Variants in DCLK1 observed in about 807,000 individuals in gnomAD.
DCLK1 encodes the protein serine/threonine-protein kinase DCLK1.
DCLK1 carries 16 observed loss-of-function variants against 86.2 expected under a neutral mutation model. The ratio of observed to expected loss-of-function variants is 0.19; its 90% CI spans 0.13 to 0.28. The LOEUF is 0.28. Ranked by LOEUF, DCLK1 falls within the 10% of genes least tolerant of loss-of-function variation. The probability of loss-of-function intolerance (pLI) is 1.00; values close to 1 mark genes in which losing one functional copy is unlikely to be tolerated. For missense variants in DCLK1, 590 were observed against 940.2 expected (o/e 0.63, Z 4.87); for synonymous variants, 369 against 370.5 (o/e 1.00, Z 0.05).
intron 4 of DCLK1, among the ~76,000 whole-genome samples, chr13:35,899,280 TGA>T (rs1292105348): frequency 7.9e-5 from 12 of 151,552 alleles, no homozygotes; most frequent in African/African-American, 2.7e-4. Flanking sequence ...GATAATAATA[TGA>T]GAGAGAGAGC....
intron 4 of DCLK1, among the ~76,000 whole-genome samples, chr13:35,877,588 C>CT (rs1437759125): frequency 1.3e-5 from 2 of 152,152 alleles, no homozygotes; most frequent in South Asian, 2.1e-4. Context: ...TTTCTAGTCT[C>CT]TTTTTTGAAA....
rs867590750 is a variant in DCLK1, at chr13:35,910,345, A to T, written c.823+37013T>A. On this transcript the variant is annotated intron_variant, in intron 4 of 16. Transcript: ENST00000360631. ...CTACAGGAGATGAATGAAAGTGCATAGAAGACAAAAGAATGTGATAATAAC... is the reference window on the plus strand; with the variant it reads ...CTACAGGAGATGAATGAAAGTGCATTGAAGACAAAAGAATGTGATAATAAC... Among the ~76,000 whole-genome samples the T allele has an allele frequency of 2.0e-5, 3 of 152,358 alleles. No homozygotes were observed. In the South Asian group the frequency reaches 6.2e-4, roughly 32 times the overall value.
At position 36,111,929 on chromosome 13, in the gene DCLK1, G is replaced by A. The variant is rs778537590; in HGVS notation, c.663C>T (p.Thr221=). ...HSFEQVLTDI[T]DAIKLDSGVV... is the part of the protein sequence containing the mutation. ...CTCCCGAGTCCAGCTTGATGGCATC[G>A]GTGATATCGGTGAGGACCTGCTCAA... Residue 221 remains threonine (T), a synonymous_variant, in exon 3 of 17, where the codon ACC becomes ACT. Coordinates refer to ENST00000360631, the MANE Select transcript of DCLK1 (RefSeq NM_001330071.2). 2.5e-5 allele frequency: 41 copies of A among 1,614,068 alleles called. No individual in the cohort carries two copies. Among genetic ancestry groups the A allele is most frequent in the South Asian group, 5.5e-5 (5 of 91,088 alleles).
intron 3 of DCLK1, among the ~76,000 whole-genome samples, chr13:36,076,777 C>T (rs1884229520): frequency 6.6e-6 from 1 of 152,178 alleles, no homozygotes; most frequent in Non-Finnish European, 1.5e-5. Flanking sequence ...TGGCTCTGCC[C>T]TCTGAAGCAA....
chr13:36,054,641 AT>A (rs1258976060), intron 3 of DCLK1, among the ~76,000 whole-genome samples: 2 of 152,170 alleles, frequency 1.3e-5, no homozygotes. Flanking sequence ...TGGGGATGCT[AT>A]TTTAGATATG....
At chr13:35,951,249 G>C (rs1231794535) in intron 3 of DCLK1, among the ~76,000 whole-genome samples, 1 of 136,602 alleles carries the variant, frequency 7.3e-6, no homozygotes, top group Non-Finnish European at 1.6e-5. Flanking sequence ...GATGGACGAT[G>C]GATGGATTAA....
At chr13:35,904,999 A>AATAG (rs1379167994) in intron 4 of DCLK1, among the ~76,000 whole-genome samples, 2 of 152,136 alleles carry the variant, frequency 1.3e-5, no homozygotes, top group Non-Finnish European at 2.9e-5. Context: ...TTCCTACCCT[A>AATAG]ATAGATTGTC....
intron 8 of DCLK1, among the ~76,000 whole-genome samples, chr13:35,835,714 CAT>C (rs1824944254): frequency 1.3e-5 from 2 of 152,192 alleles, no homozygotes; most frequent in South Asian, 4.2e-4. Context: ...TACAAAATGT[CAT>C]AAAAAGTGTG....
intron 5 of DCLK1, among the ~76,000 whole-genome samples, chr13:35,861,724 C>G (rs1204178811): frequency 6.6e-6 from 1 of 152,086 alleles, no homozygotes; most frequent in African/African-American, 2.4e-5. Flanking sequence ...CTGCTGATTG[C>G]TCTTAGAAAT....
intron 4 of DCLK1, among the ~76,000 whole-genome samples, chr13:35,924,707 A>T (rs149096098): frequency 6.6e-6 from 1 of 152,304 alleles, no homozygotes; most frequent in African/African-American, 2.4e-5. Context: ...TCTGCACATG[A>T]ATATTTATTT....
chr13:36,033,220 G>A (rs908634500), intron 3 of DCLK1, among the ~76,000 whole-genome samples: 12 of 152,148 alleles, frequency 7.9e-5, no homozygotes, highest in Non-Finnish European at 1.8e-4. Context: ...TCCTACTAAA[G>A]TTTCACATTA....
At chr13:35,783,837 C>G (rs1242057564) in intron 16 of DCLK1, among the ~76,000 whole-genome samples, 1 of 152,146 alleles carries the variant, frequency 6.6e-6, no homozygotes, top group Non-Finnish European at 1.5e-5. Flanking sequence ...CCACCCAACT[C>G]GGCCTCCCAA....
intron 4 of DCLK1, among the ~76,000 whole-genome samples, chr13:35,896,463 G>A (rs1402605924): frequency 6.9e-6 from 1 of 145,568 alleles, no homozygotes; most frequent in African/African-American, 2.6e-5. Flanking sequence ...GCTTGAACTC[G>A]GAAGCCGGAG....
intron 3 of DCLK1, among the ~76,000 whole-genome samples, chr13:36,080,747 G>C (rs1366903109): frequency 6.6e-6 from 1 of 152,248 alleles, no homozygotes; most frequent in African/African-American, 2.4e-5. Flanking sequence ...AACACACACG[G>C]CTTCTGCTTT....
chr13:35,915,448 C>A (rs1171081), intron 4 of DCLK1, among the ~76,000 whole-genome samples: 30,215 of 152,110 alleles, frequency 0.2, 3,114 homozygotes, highest in African/African-American at 0.24. Context: ...CACCTGTAAT[C>A]CCAGCACTTT....
chr13:35,877,932 A>G (rs1750921), intron 4 of DCLK1, among the ~76,000 whole-genome samples: 106,764 of 152,110 alleles, frequency 0.7, 38,060 homozygotes, highest in Middle Eastern at 0.8. Context: ...CAATTCTCCA[A>G]TAAGTTGCCC....
chr13:35,896,936 AC>A (rs563356043), intron 4 of DCLK1, among the ~76,000 whole-genome samples: 94 of 152,294 alleles, frequency 6.2e-4, no homozygotes, highest in African/African-American at 2.2e-3. Flanking sequence ...CTTGCGGTGC[AC>A]CTTAGAGAAT....
chr13:36,053,943 G>A (rs546806425), intron 3 of DCLK1, among the ~76,000 whole-genome samples: 5 of 152,232 alleles, frequency 3.3e-5, no homozygotes, highest in African/African-American at 1.2e-4. Context: ...CTGCAGTTTG[G>A]TGTAATGCAG....
At position 36,095,351 on chromosome 13, in the gene DCLK1, A is replaced by G. The variant is rs1191531434; in HGVS notation, c.723+16518T>C. The stretch of plus-strand genomic sequence containing the variant: ...CTCCTGAGTAGCTGGGACTATAGGC[A>G]TGTGTTACCACATCCAGCTAATATT... On this transcript the variant is annotated intron_variant, in intron 3 of 16. Coordinates refer to ENST00000360631, the MANE Select transcript of DCLK1 (RefSeq NM_001330071.2). Among the ~76,000 whole-genome samples, 4 of 152,084 alleles carry G rather than the reference A, an allele frequency of 2.6e-5. No homozygotes were observed. The East Asian group carries it at 5.8e-4, about 22-fold the overall frequency.
Sources: gnomAD v4.1 joint callset for allele counts (sites outside exome capture counted in the v4.1 genomes callset) on GRCh38, gnomAD v4.1.1 for gene constraint, MANE v1.5 for transcripts, NCBI Gene and HGNC (gene_info 2026-07-23, HGNC 2026-07-21) for gene names.